RPIA: variants seen among roughly 807,000 people sequenced by gnomAD.
The protein encoded by RPIA is ribose 5-phosphate isomerase A.
A neutral mutation model predicts 37.8 loss-of-function variants in RPIA; 29 were observed. That is an observed-to-expected ratio of 0.77 (90% confidence interval 0.57 to 1.05). RPIA has a LOEUF of 1.05. Among genes scored for constraint, RPIA ranks in the 50% least tolerant of loss-of-function variants. The pLI, the probability that RPIA is intolerant of heterozygous loss-of-function variation, is 0.00. For synonymous variants in RPIA, 167 were observed against 157.0 expected (o/e 1.06, Z -0.48); for missense variants, 385 against 413.6 (o/e 0.93, Z 0.60).
intron 7 of RPIA, among the ~76,000 whole-genome samples, chr2:88,737,694 G>C (rs1673330935): frequency 6.6e-6 from 1 of 152,028 alleles, no homozygotes; most frequent in South Asian, 2.1e-4. Context: ...ATTGTGACAT[G>C]GTCACATAGT....
chr2:88,727,084 C>CGTGTGT (rs59619042), intron 3 of RPIA, among the ~76,000 whole-genome samples: 3 of 151,852 alleles, frequency 2.0e-5, no homozygotes, highest in African/African-American at 4.8e-5. Context: ...TGTGTGCGTG[C>CGTGTGT]GTGTGTGTGT....
At chr2:88,738,753 T>C (rs1673348329) in intron 8 of RPIA, among the ~76,000 whole-genome samples, 1 of 152,214 alleles carries the variant, frequency 6.6e-6, no homozygotes, top group Admixed American at 6.5e-5. Flanking sequence ...TAACATAAGT[T>C]AAACACGGTG....
At chr2:88,707,906 T>C (rs1449287928) in intron 3 of RPIA, among the ~76,000 whole-genome samples, 1 of 152,220 alleles carries the variant, frequency 6.6e-6, no homozygotes, top group Non-Finnish European at 1.5e-5. Flanking sequence ...TGATAGTTTA[T>C]TATGCCTGAA....
intron 3 of RPIA, among the ~76,000 whole-genome samples, chr2:88,716,917 A>G (rs1488627715): frequency 6.6e-6 from 1 of 152,218 alleles, no homozygotes; most frequent in South Asian, 2.1e-4. Flanking sequence ...GAAACTCTCC[A>G]TTTTTATGCT....
At chr2:88,718,378 T>C (rs1233957716) in intron 3 of RPIA, among the ~76,000 whole-genome samples, 1 of 152,242 alleles carries the variant, frequency 6.6e-6, no homozygotes, top group African/African-American at 2.4e-5. Flanking sequence ...TTGGCTTTGA[T>C]GGAACTTTGT....
At chr2:88,721,515 CATA>C (rs1340906799) in intron 3 of RPIA, among the ~76,000 whole-genome samples, 1 of 137,224 alleles carries the variant, frequency 7.3e-6, no homozygotes, top group Non-Finnish European at 1.6e-5. Context: ...TAATATAAAA[CATA>C]ATAGATATAT....
At position 88,714,232 on chromosome 2, in the gene RPIA, G is replaced by A. The variant is rs146737337; in HGVS notation, c.402+14168G>A. On this transcript the variant is annotated intron_variant, in intron 3 of 8. Transcript: ENST00000283646. ...GTCGCCCAGGATGGAGTGCAGTGGC[G>A]CGATCTGGGCTCACTGCAACCTCCG... Among the ~76,000 whole-genome samples, 43 of 151,742 alleles carry A rather than the reference G, an allele frequency of 2.8e-4. No individual in the cohort carries two copies. In the East Asian group the frequency reaches 7.6e-3, roughly 27 times the overall value.
intron 7 of RPIA, among the ~76,000 whole-genome samples, chr2:88,736,957 T>C (rs1479904986): frequency 1.3e-5 from 2 of 152,208 alleles, no homozygotes; most frequent in African/African-American, 4.8e-5. Context: ...ACAGGTGATC[T>C]GACCTTTGTG....
At chr2:88,714,287 C>G (rs922683084) in intron 3 of RPIA, among the ~76,000 whole-genome samples, 4 of 152,118 alleles carry the variant, frequency 2.6e-5, no homozygotes, top group Non-Finnish European at 5.9e-5. Flanking sequence ...TCTCTTGTCT[C>G]AGCCTCCAAG....
At chr2:88,743,329 G>A (rs1052208156) in intron 8 of RPIA, among the ~76,000 whole-genome samples, 5 of 152,116 alleles carry the variant, frequency 3.3e-5, no homozygotes, top group African/African-American at 1.2e-4. Context: ...TTTATGTGGT[G>A]TGTCACATTT....
rs142341148 is a variant in RPIA, at chr2:88,750,000, A to G, written c.858A>G (p.Leu286=). 10,981 of 1,612,898 alleles carry G rather than the reference A, an allele frequency of 6.8e-3. 137 individuals are homozygous for G. Among genetic ancestry groups the G allele is most frequent in the Admixed American group, 0.047 (2,821 of 60,006 alleles). ...KMIPGVVDTG[L]FINMAERVYF... is the part of the protein sequence containing the mutation. ...CTGCAGGTGTGGTGGACACAGGCCT[A>G]TTCATCAACATGGCTGAGAGAGTCT... The change falls in exon 9 of 9, where the codon CTA becomes CTG. Residue 286 remains leucine (L), a synonymous_variant. Coordinates refer to ENST00000283646, the MANE Select transcript of RPIA (RefSeq NM_144563.3).
intron 4 of RPIA, among the ~76,000 whole-genome samples, chr2:88,733,198 A>G (rs1673268040): frequency 6.6e-6 from 1 of 152,202 alleles, no homozygotes; most frequent in Non-Finnish European, 1.5e-5. Context: ...GAACAGCTCC[A>G]TGTGGGCAAA....
intron 3 of RPIA, among the ~76,000 whole-genome samples, chr2:88,710,661 G>A (rs761619246): frequency 6.6e-6 from 1 of 152,140 alleles, no homozygotes; most frequent in African/African-American, 2.4e-5. Context: ...AGTGATGTTG[G>A]TTCAATGAGT....
chr2:88,715,626 G>A (rs1673025151), intron 3 of RPIA, among the ~76,000 whole-genome samples: 1 of 152,162 alleles, frequency 6.6e-6, no homozygotes, highest in Admixed American at 6.5e-5. Flanking sequence ...AACCCTGTGA[G>A]GTTGGCTTCA....
rs144063980 is a variant in RPIA at position 88,712,410 on chromosome 2, G to C, written c.402+12346G>C. ...GTTCAACCTGCAGCTATCTTGAGCT[G>C]CTTTTAAAATTCTTTCAGATTTTCT... On this transcript the variant is annotated intron_variant, in intron 3 of 8. Transcript: ENST00000283646. Among the ~76,000 whole-genome samples, 406 of 152,310 alleles carry C rather than the reference G, an allele frequency of 2.7e-3. 2 individuals carry two copies. The highest frequency in any genetic ancestry group is 9.2e-3 in the African/African-American group (383 of 41,578).
chr2:88,742,163 C>T (rs1208493624), intron 8 of RPIA, among the ~76,000 whole-genome samples: 3 of 152,114 alleles, frequency 2.0e-5, no homozygotes, highest in Non-Finnish European at 2.9e-5. Flanking sequence ...TCAGTGTTGT[C>T]CTCTAGAGTT....
At chr2:88,745,148 C>T (rs1050042681) in intron 8 of RPIA, among the ~76,000 whole-genome samples, 12 of 152,084 alleles carry the variant, frequency 7.9e-5, no homozygotes, top group South Asian at 2.1e-4. Context: ...TTAGTAGAGA[C>T]GGGGTTTCAC....
Position 88,691,685 on chromosome 2 carries a change from A to T in RPIA, c.-14A>T. ...GGGGCGGGACTTCAGCGGAGGCCGG[A>T]GCGAGGCGTCGGGATGCAGCGCCCC... On this transcript the variant is annotated 5_prime_UTR_variant, in exon 1 of 9. Transcript: ENST00000283646. The T allele has an allele frequency of 6.4e-7, 1 of 1,568,534 alleles. No homozygotes were observed. The highest frequency in any genetic ancestry group is 2.3e-5 in the East Asian group (1 of 44,274).
chr2:88,714,650 G>A (rs1292037353), intron 3 of RPIA, among the ~76,000 whole-genome samples: 1 of 152,210 alleles, frequency 6.6e-6, no homozygotes. Flanking sequence ...GGGTATGCAT[G>A]GCTACCCATG....
Sources: allele counts gnomAD v4.1 joint callset (sites outside exome capture counted in the v4.1 genomes callset), GRCh38; gene constraint gnomAD v4.1.1; transcripts MANE v1.5; gene names NCBI Gene and HGNC (gene_info 2026-07-23, HGNC 2026-07-21).